The following LHFPL1 variants were observed in gnomAD, a reference collection of about 807,000 sequenced individuals.
LHFPL1 encodes the protein LHFPL tetraspan subfamily member 1.
LHFPL1 carries 4 observed loss-of-function variants against 12.1 expected under a neutral mutation model. The observed-to-expected ratio is 0.33, with a 90% CI of 0.16 to 0.76. The LOEUF (loss-of-function observed/expected upper bound fraction) is 0.76, where lower values mean the gene tolerates loss of function less well. Among genes scored for constraint, LHFPL1 ranks in the 30% least tolerant of loss-of-function variants. LHFPL1 has a pLI of 0.61. For missense variants in LHFPL1, 141 were observed against 174.1 expected (o/e 0.81, Z 1.07); for synonymous variants, 52 against 61.9 (o/e 0.84, Z 0.75).
chrX:112,633,005 C>T (rs1312673568), intron 3 of LHFPL1, among the ~76,000 whole-genome samples: 1 of 112,152 alleles, frequency 8.9e-6, no homozygotes, highest in African/African-American at 3.2e-5. Context: ...CTCCGCTGGG[C>T]TCATGTCACC....
At chrX:112,659,093 G>A (rs1398475452) in intron 3 of LHFPL1, among the ~76,000 whole-genome samples, 2 of 111,702 alleles carry the variant, frequency 1.8e-5, no homozygotes, top group Non-Finnish European at 3.8e-5. Flanking sequence ...TATTGACAGT[G>A]GTTACCAGCA....
At chrX:112,674,115 A>C (rs1279839957) in intron 1 of LHFPL1, among the ~76,000 whole-genome samples, 1 of 112,034 alleles carries the variant, frequency 8.9e-6, no homozygotes, top group Non-Finnish European at 1.9e-5. Context: ...GACCAATGGA[A>C]CAGAATAGAG....
At chrX:112,642,879 A>G (rs747244918) in intron 3 of LHFPL1, among the ~76,000 whole-genome samples, 2 of 111,127 alleles carry the variant, frequency 1.8e-5, no homozygotes, top group East Asian at 5.7e-4. Flanking sequence ...GCACCTCACT[A>G]TTTTTAATAG....
At chrX:112,673,975 C>G (rs767051284) in intron 1 of LHFPL1, among the ~76,000 whole-genome samples, 1 of 111,835 alleles carries the variant, frequency 8.9e-6, no homozygotes, top group Non-Finnish European at 1.9e-5. Context: ...ACATCATCAC[C>G]TGGAGATGAA....
chrX:112,675,315 C>G (rs1039582273), intron 1 of LHFPL1, among the ~76,000 whole-genome samples: 1 of 110,636 alleles, frequency 9.0e-6, no homozygotes, highest in African/African-American at 3.3e-5. Flanking sequence ...GTAGGAGGGG[C>G]AGAGAACTTA....
At chrX:112,675,249 C>T (rs1242516478) in intron 1 of LHFPL1, among the ~76,000 whole-genome samples, 3 of 110,854 alleles carry the variant, frequency 2.7e-5, no homozygotes, top group Non-Finnish European at 5.7e-5. Context: ...ATCACCTGTA[C>T]CCCCAATAAC....
intron 3 of LHFPL1, among the ~76,000 whole-genome samples, chrX:112,632,420 C>T (rs925897818): frequency 1.8e-5 from 2 of 111,698 alleles, no homozygotes; most frequent in African/African-American, 6.5e-5. Flanking sequence ...CAGAAAATGT[C>T]AATGCCTAGA....
rs374780652 is a variant in LHFPL1, at chrX:112,674,149, C to T, written c.-14-2745G>A. On this transcript the variant is annotated intron_variant, in intron 1 of 3. Transcript: ENST00000371968. ...AGAACCCAGAAAAACCCAAATACAG[C>T]CAACTGATCTTCAACAAAGCAAACA... Among the ~76,000 whole-genome samples the T allele has an allele frequency of 1.1e-4, 12 of 111,772 alleles. No individual in the cohort carries two copies. The East Asian group carries it at 3.4e-3, about 31-fold the overall frequency.
chrX:112,659,629 A>G (rs1343459870), intron 3 of LHFPL1, among the ~76,000 whole-genome samples: 1 of 112,172 alleles, frequency 8.9e-6, no homozygotes, highest in Non-Finnish European at 1.9e-5. Context: ...ACCAACTAGG[A>G]AAAATTTGCT....
chrX:112,641,908 T>C (rs1375290215), intron 3 of LHFPL1, among the ~76,000 whole-genome samples: 2 of 111,934 alleles, frequency 1.8e-5, no homozygotes, highest in Non-Finnish European at 3.8e-5. Context: ...GAATCCACAT[T>C]TTTTGGAAAC....
intron 2 of LHFPL1, among the ~76,000 whole-genome samples, chrX:112,668,065 C>G (rs749546932): frequency 9.0e-6 from 1 of 111,368 alleles, no homozygotes; most frequent in Non-Finnish European, 1.9e-5. Context: ...CAATGTATTT[C>G]GGTTAATGCG....
intron 3 of LHFPL1, among the ~76,000 whole-genome samples, chrX:112,652,326 G>A (rs917207616): frequency 1.8e-5 from 2 of 111,756 alleles, no homozygotes; most frequent in Admixed American, 9.5e-5. Context: ...GAAAGCCTAC[G>A]GTGTGTGATC....
intron 3 of LHFPL1, among the ~76,000 whole-genome samples, chrX:112,647,817 T>C (rs1375738377): frequency 2.7e-5 from 3 of 111,957 alleles, no homozygotes; most frequent in African/African-American, 9.7e-5. Context: ...AGCAATCCCA[T>C]TACTGGGTAT....
chrX:112,677,282 A>G (rs756948367), intron 1 of LHFPL1, among the ~76,000 whole-genome samples: 3 of 111,413 alleles, frequency 2.7e-5, no homozygotes, highest in African/African-American at 6.5e-5. Context: ...CAAATTAAAG[A>G]CTAGAACATG....
At chrX:112,631,983 C>T (rs1930204052) in intron 3 of LHFPL1, among the ~76,000 whole-genome samples, 1 of 111,360 alleles carries the variant, frequency 9.0e-6, no homozygotes, top group African/African-American at 3.3e-5. Context: ...GATAGGTACT[C>T]TTATTATCCC....
At chrX:112,679,328 C>A (rs1052161988) in intron 1 of LHFPL1, among the ~76,000 whole-genome samples, 18 of 112,307 alleles carry the variant, frequency 1.6e-4, no homozygotes, top group African/African-American at 4.9e-4. Flanking sequence ...TGGATGCATT[C>A]TTTTATTTCC....
rs767865984 is a variant in LHFPL1, at chrX:112,631,525, G to A, written c.558C>T (p.Leu186=). 1.7e-6 allele frequency: 2 copies of A among 1,210,933 alleles called. No homozygotes were observed. Among genetic ancestry groups the A allele is most frequent in the South Asian group, 3.5e-5 (2 of 56,839 alleles). ...TGGGGTTTCTTCCAGCAAAGCAAGA[G>A]AGCCAGGTGCAGATCAACATGGCTG... ...AAAAMLICTW[L]SCFAGRNPKP... is the part of the protein sequence containing the mutation. The change falls in exon 4 of 4, where the codon CTC becomes CTT. Residue 186 remains leucine, a synonymous_variant. Transcript: ENST00000371968.
intron 3 of LHFPL1, among the ~76,000 whole-genome samples, chrX:112,632,710 C>T (rs1930224202): frequency 8.9e-6 from 1 of 112,037 alleles, no homozygotes; most frequent in Admixed American, 9.5e-5. Context: ...TTTATTTTCA[C>T]ATACTACCTG....
intron 2 of LHFPL1, among the ~76,000 whole-genome samples, chrX:112,661,281 T>C (rs1235069842): frequency 9.0e-6 from 1 of 111,275 alleles, no homozygotes; most frequent in Non-Finnish European, 1.9e-5. Flanking sequence ...CCTTACACCA[T>C]GACGCCTTAC....
Sources: gnomAD v4.1 joint callset for allele counts (sites outside exome capture counted in the v4.1 genomes callset) on GRCh38, gnomAD v4.1.1 for gene constraint, MANE v1.5 for transcripts, NCBI Gene and HGNC (gene_info 2026-07-23, HGNC 2026-07-21) for gene names.